The following HDAC9 variants were observed in gnomAD, a reference collection of about 807,000 sequenced individuals.
The protein encoded by HDAC9 is MEF-2 interacting transcription repressor (MITR) protein.
In HDAC9, 41 loss-of-function variants were observed where a neutral mutation model predicts 139.4. The observed-to-expected ratio is 0.29, with a 90% confidence interval of 0.23 to 0.38. The LOEUF is 0.38. Among genes scored for constraint, HDAC9 ranks in the 10% least tolerant of loss-of-function variants. The probability of loss-of-function intolerance (pLI) is 1.00; values close to 1 mark genes in which losing one functional copy is unlikely to be tolerated. For synonymous variants in HDAC9, 517 were observed against 476.2 expected (o/e 1.09, Z -1.12); for missense variants, 1,147 against 1,297.0 (o/e 0.88, Z 1.78).
chr7:18,954,151 G>A lies in HDAC9; in HGVS notation c.2943G>A (p.Glu981=). ...CVNALLGNEL[E]PLAEDILHQS... ...ATTATCTACTATTCTTGCAGCTGGA[G>A]CCACTTGCAGAAGATATTCTCCACC... Residue 981 remains glutamate, a synonymous_variant, in exon 24 of 26, where the codon GAG becomes GAA. Coordinates refer to ENST00000686413, the MANE Select transcript of HDAC9 (RefSeq NM_178425.4). 2 of 1,561,388 alleles carry A rather than the reference G, an allele frequency of 1.3e-6. No homozygotes were observed. Among genetic ancestry groups the A allele is most frequent in the Non-Finnish European group, 8.7e-7 (1 of 1,146,180 alleles).
At chr7:18,318,844 A>G (rs545107941) in intron 1 of HDAC9, among the ~76,000 whole-genome samples, 1 of 152,326 alleles carries the variant, frequency 6.6e-6, no homozygotes, top group Non-Finnish European at 1.5e-5. Context: ...GGTGGAGGTT[A>G]AATGTAAAAA....
At position 18,507,170 on chromosome 7, in the gene HDAC9, A is replaced by ATATTATTATTATTATTATTAT. The variant is rs59819356; in HGVS notation, c.22+10858_22+10878dup. ...TGCAGGTCTTCCAAATATTCATTAC[A>ATATTATTATTATTATTATTAT]TATTATTATTATTATTATTATTATT... On this transcript the variant is annotated intron_variant, in intron 2 of 25. Transcript: ENST00000686413. 4.0e-3 allele frequency among the ~76,000 whole-genome samples: 581 copies of ATATTATTATTATTATTATTAT among 144,308 alleles called. 7 individuals are homozygous for ATATTATTATTATTATTATTAT. Among genetic ancestry groups the ATATTATTATTATTATTATTAT allele is most frequent in the African/African-American group, 0.013 (525 of 38,974 alleles). 94.7% of individuals were successfully genotyped at this position (144,308 alleles called of 152,430 possible). A position where few individuals can be genotyped will look rare whatever the true frequency, so the allele number is the denominator to read the frequency against.
intron 12 of HDAC9, among the ~76,000 whole-genome samples, chr7:18,673,418 G>T (rs1795777050): frequency 6.6e-6 from 1 of 152,012 alleles, no homozygotes; most frequent in Non-Finnish European, 1.5e-5. Flanking sequence ...TTTAAATGTG[G>T]TTGGCAAGAA....
intron 22 of HDAC9, among the ~76,000 whole-genome samples, chr7:18,920,558 C>T (rs1402217898): frequency 6.6e-6 from 1 of 152,136 alleles, no homozygotes; most frequent in East Asian, 1.9e-4. Flanking sequence ...GAGAGGGCAT[C>T]CCTGTCTTGT....
At chr7:18,541,509 G>A (rs1563205759) in intron 2 of HDAC9, among the ~76,000 whole-genome samples, 1 of 149,398 alleles carries the variant, frequency 6.7e-6, no homozygotes. Context: ...TTAATTTTAT[G>A]TTTTTCTCTG....
At position 18,783,569 on chromosome 7, in the gene HDAC9, C is replaced by G. The variant is rs1004009732; in HGVS notation, c.2215-9776C>G. ...CACCTCTGTAAGAGTTAGAGGACTT[C>G]TATTCTCCCAGGGCACTGCCCTGAG... On this transcript the variant is annotated intron_variant, in intron 16 of 25. Transcript: ENST00000686413. Among the ~76,000 whole-genome samples, 4 of 151,894 alleles carry G rather than the reference C, an allele frequency of 2.6e-5. 1 individual carries two copies. Among genetic ancestry groups the G allele is most frequent in the Non-Finnish European group, 5.9e-5 (4 of 67,946 alleles).
intron 22 of HDAC9, among the ~76,000 whole-genome samples, chr7:18,894,900 G>A (rs998035117): frequency 1.8e-4 from 27 of 152,262 alleles, no homozygotes; most frequent in African/African-American, 5.8e-4. Context: ...TGAAAAAGCA[G>A]AGTATGTGGG....
chr7:18,462,563 T>G (rs998639982), intron 1 of HDAC9, among the ~76,000 whole-genome samples: 2 of 152,026 alleles, frequency 1.3e-5, no homozygotes, highest in African/African-American at 4.8e-5. Context: ...GTAATCTCTA[T>G]CTTGATTTCT....
At chr7:18,616,630 A>C (rs1289422722) in intron 6 of HDAC9, among the ~76,000 whole-genome samples, 2 of 152,242 alleles carry the variant, frequency 1.3e-5, no homozygotes, top group Admixed American at 6.5e-5. Context: ...TAACGTTCCA[A>C]AACCATAAAG....
intron 22 of HDAC9, among the ~76,000 whole-genome samples, chr7:18,883,205 T>G (rs1008619147): frequency 6.6e-6 from 1 of 152,198 alleles, no homozygotes; most frequent in African/African-American, 2.4e-5. Flanking sequence ...AGTCCAGTGA[T>G]GCTTTTTTAG....
chr7:18,557,339 G>GTTTTTTTTTTTTTTTT (rs34667664), intron 2 of HDAC9, among the ~76,000 whole-genome samples: 1 of 137,432 alleles, frequency 7.3e-6, no homozygotes, highest in Non-Finnish European at 1.6e-5. Context: ...GCAATGATGA[G>GTTTTTTTTTTTTTTTT]TTTTTTTTTT....
chr7:18,649,679 C>T (rs764087292), intron 11 of HDAC9, among the ~76,000 whole-genome samples: 24 of 152,094 alleles, frequency 1.6e-4, no homozygotes, highest in Non-Finnish European at 2.5e-4. Context: ...ATCTTTCTAA[C>T]GGCAGTAGGG....
intron 6 of HDAC9, among the ~76,000 whole-genome samples, chr7:18,624,303 T>G (rs942450560): frequency 1.3e-5 from 2 of 152,198 alleles, no homozygotes; most frequent in African/African-American, 4.8e-5. Flanking sequence ...TCAGATATTT[T>G]CTGTTTCCTT....
Position 18,566,310 on chromosome 7 carries a change from T to C in HDAC9, c.23-18971T>C, listed in dbSNP as rs185994173. Among the ~76,000 whole-genome samples, 18 of 152,352 alleles carry C rather than the reference T, an allele frequency of 1.2e-4. No individual in the cohort carries two copies. In the East Asian group the frequency reaches 3.3e-3, roughly 28 times the overall value. ...GGTAGTTTTTAATTAGATAAAGCTT[T>C]CTTCAGAGTTCCTGCTTTCAATTCT... On this transcript the variant is annotated intron_variant, in intron 2 of 25. Transcript: ENST00000686413.
intron 1 of HDAC9, among the ~76,000 whole-genome samples, chr7:18,089,222 A>G (rs1054327318): frequency 4.6e-5 from 7 of 151,764 alleles, no homozygotes; most frequent in Non-Finnish European, 8.8e-5. Context: ...TTTTTTTTTA[A>G]CCTTGATCTT....
intron 12 of HDAC9, among the ~76,000 whole-genome samples, chr7:18,676,112 C>A (rs2129086844): frequency 6.6e-6 from 1 of 152,136 alleles, no homozygotes; most frequent in South Asian, 2.1e-4. Flanking sequence ...GCACCAAAAC[C>A]ATCAATCAGA....
At chr7:18,855,678 C>A (rs545190775) in intron 21 of HDAC9, among the ~76,000 whole-genome samples, 37 of 151,856 alleles carry the variant, frequency 2.4e-4, no homozygotes, top group Non-Finnish European at 4.3e-4. Context: ...GCTTGCCGTT[C>A]TGTCAGTTAA....
chr7:18,554,529 G>T (rs1362292203), intron 2 of HDAC9, among the ~76,000 whole-genome samples: 1 of 151,984 alleles, frequency 6.6e-6, no homozygotes, highest in Non-Finnish European at 1.5e-5. Flanking sequence ...TAGAGACGGG[G>T]TTTCACCGTG....
intron 22 of HDAC9, among the ~76,000 whole-genome samples, chr7:18,878,580 C>T (rs1799495288): frequency 6.6e-6 from 1 of 152,088 alleles, no homozygotes; most frequent in African/African-American, 2.4e-5. Flanking sequence ...TCTCAATAGA[C>T]ATAGAAAAGG....
Sources: gnomAD v4.1 joint callset for allele counts (sites outside exome capture counted in the v4.1 genomes callset) on GRCh38, gnomAD v4.1.1 for gene constraint, MANE v1.5 for transcripts, NCBI Gene and HGNC (gene_info 2026-07-23, HGNC 2026-07-21) for gene names.